Variants in EBF1 observed in about 807,000 individuals in gnomAD.
EBF1 encodes the protein transcription factor COE1.
In EBF1, 10 loss-of-function variants were observed where a neutral mutation model predicts 68.4. The ratio of observed to expected loss-of-function variants is 0.15; its 90% CI spans 0.09 to 0.25. The LOEUF (loss-of-function observed/expected upper bound fraction) is 0.25, where lower values mean the gene tolerates loss of function less well. Ranked by LOEUF, EBF1 falls within the 10% of genes least tolerant of loss-of-function variation. The pLI is 1.00. For missense variants in EBF1, 509 were observed against 794.4 expected, an observed-to-expected ratio of 0.64 and a Z score of 4.32; for synonymous variants, 298 against 299.8, an observed-to-expected ratio of 0.99 and a Z score of 0.06.
At chr5:158,780,384 A>AG (rs1228132993) in intron 9 of EBF1, among the ~76,000 whole-genome samples, 1 of 152,172 alleles carries the variant, frequency 6.6e-6, no homozygotes, top group Non-Finnish European at 1.5e-5. Context: ...TCAAAGCAAC[A>AG]GAAGGAGGGA....
intron 6 of EBF1, among the ~76,000 whole-genome samples, chr5:159,047,111 CT>C (rs1196638517): frequency 2.0e-5 from 3 of 152,210 alleles, no homozygotes; most frequent in African/African-American, 7.2e-5. Flanking sequence ...ACAACCACAG[CT>C]CCTGGCTGCA....
At chr5:158,814,825 G>A (rs1412107406) in intron 8 of EBF1, among the ~76,000 whole-genome samples, 1 of 152,076 alleles carries the variant, frequency 6.6e-6, no homozygotes, top group African/African-American at 2.4e-5. Context: ...AAATATACTA[G>A]TCATCGAATA....
At chr5:158,823,148 T>C in intron 8 of EBF1, 28 bp downstream of exon 8, 1 of 1,613,702 alleles carries the variant, frequency 6.2e-7, no homozygotes, top group East Asian at 2.2e-5. Context: ...AAAGTAGCAA[T>C]GCCAACCAAT....
At chr5:158,934,870 T>C (rs1440996552) in intron 6 of EBF1, among the ~76,000 whole-genome samples, 1 of 152,188 alleles carries the variant, frequency 6.6e-6, no homozygotes, top group East Asian at 1.9e-4. Context: ...TCTTTATGTA[T>C]ATGATTGCAC....
intron 6 of EBF1, among the ~76,000 whole-genome samples, chr5:158,942,798 G>T (rs1447420533): frequency 1.3e-5 from 2 of 150,778 alleles, no homozygotes; most frequent in Admixed American, 6.6e-5. Context: ...CTCCAGAAGA[G>T]AATAGTAGAA....
At chr5:158,733,759 T>C (rs1764597445) in intron 10 of EBF1, among the ~76,000 whole-genome samples, 1 of 152,160 alleles carries the variant, frequency 6.6e-6, no homozygotes, top group African/African-American at 2.4e-5. Flanking sequence ...CTGCCCTCAA[T>C]ACAGGTATTG....
intron 6 of EBF1, among the ~76,000 whole-genome samples, chr5:159,007,538 CATG>C (rs1384061581): frequency 6.6e-6 from 1 of 152,152 alleles, no homozygotes; most frequent in African/African-American, 2.4e-5. Flanking sequence ...ACTCTGTGCA[CATG>C]AAAATTTGGT....
At chr5:158,831,771 G>A (rs186743055) in intron 7 of EBF1, among the ~76,000 whole-genome samples, 17 of 152,218 alleles carry the variant, frequency 1.1e-4, no homozygotes, top group Non-Finnish European at 1.9e-4. Context: ...CAAAGTGCTC[G>A]ACTTACAGGT....
At chr5:158,980,356 C>A (rs1446783225) in intron 6 of EBF1, among the ~76,000 whole-genome samples, 1 of 152,164 alleles carries the variant, frequency 6.6e-6, no homozygotes, top group Non-Finnish European at 1.5e-5. Flanking sequence ...TAACTGCTGG[C>A]ACGCTCTCTA....
chr5:159,018,214 C>T (rs1310268033), intron 6 of EBF1, among the ~76,000 whole-genome samples: 1 of 152,260 alleles, frequency 6.6e-6, no homozygotes, highest in Non-Finnish European at 1.5e-5. Flanking sequence ...CTTCCAGTCA[C>T]TCCATCAGCT....
At chr5:159,075,647 T>G (rs1242505853) in intron 5 of EBF1, among the ~76,000 whole-genome samples, 5 of 152,184 alleles carry the variant, frequency 3.3e-5, no homozygotes, top group Non-Finnish European at 5.9e-5. Flanking sequence ...CTGTCTCCAC[T>G]CTGACCCCCT....
rs116943299 is a variant in EBF1 at position 158,790,589 on chromosome 5, C to G, written c.909+5756G>C. 7.9e-5 allele frequency among the ~76,000 whole-genome samples: 12 copies of G among 152,228 alleles called. No homozygotes were observed. In the East Asian group the frequency reaches 1.7e-3, roughly 22 times the overall value. ...TTGCGGTGCATGCTAGTACCTCAAA[C>G]GTTGTGCAAAGCCCTAGAAGAAAGA... is the stretch of plus-strand genomic sequence containing the variant. On this transcript the variant is annotated intron_variant, in intron 9 of 15. Transcript: ENST00000313708.
chr5:158,790,554 A>G (rs182354282), intron 9 of EBF1, among the ~76,000 whole-genome samples: 1 of 152,286 alleles, frequency 6.6e-6, no homozygotes, highest in East Asian at 1.9e-4. Context: ...TGAATACTGC[A>G]TCTAAGTATT....
At chr5:158,705,837 C>T (rs772758694) in intron 15 of EBF1, among the ~76,000 whole-genome samples, 13 of 152,182 alleles carry the variant, frequency 8.5e-5, no homozygotes, top group Non-Finnish European at 1.6e-4. Flanking sequence ...AGCCACTGAC[C>T]TTCCAATAGT....
chr5:158,994,292 G>A (rs1242649590), intron 6 of EBF1, among the ~76,000 whole-genome samples: 3 of 152,202 alleles, frequency 2.0e-5, no homozygotes, highest in Non-Finnish European at 4.4e-5. Context: ...TAAGTACAAT[G>A]AGCGATCTGA....
At chr5:158,864,890 T>C (rs987354143) in intron 6 of EBF1, among the ~76,000 whole-genome samples, 1 of 152,128 alleles carries the variant, frequency 6.6e-6, no homozygotes, top group African/African-American at 2.4e-5. Context: ...GATCATTCTA[T>C]CTCTAACAGA....
intron 6 of EBF1, among the ~76,000 whole-genome samples, chr5:158,891,897 T>C (rs1801250848): frequency 6.6e-6 from 1 of 152,102 alleles, no homozygotes; most frequent in South Asian, 2.1e-4. Context: ...GTCTTTATTT[T>C]TAAAAAATAT....
intron 6 of EBF1, among the ~76,000 whole-genome samples, chr5:158,981,862 T>C (rs573877004): frequency 4.0e-5 from 6 of 149,828 alleles, no homozygotes; most frequent in East Asian, 2.0e-4. Context: ...TTACTAAAAA[T>C]AAAAAAAAAA....
chr5:159,019,026 A>G (rs1396215337), intron 6 of EBF1: 2 of 152,174 alleles, frequency 1.3e-5, no homozygotes, highest in Non-Finnish European at 2.9e-5. Flanking sequence ...TGCTACAAAC[A>G]TGCCTGTGTC....
Sources: gnomAD v4.1 joint callset for allele counts (sites outside exome capture counted in the v4.1 genomes callset) on GRCh38, gnomAD v4.1.1 for gene constraint, MANE v1.5 for transcripts, NCBI Gene and HGNC (gene_info 2026-07-23, HGNC 2026-07-21) for gene names.